ATG7: variants seen among roughly 807,000 people sequenced by gnomAD.
ATG7 encodes ubiquitin-like modifier-activating enzyme ATG7.
In ATG7, 70 loss-of-function variants were observed where a neutral mutation model predicts 82.4. That is an observed-to-expected ratio of 0.85 (90% CI 0.70 to 1.04). ATG7 has a LOEUF of 1.04. ATG7 is among the 50% of genes least tolerant of loss of function. The pLI is 0.00. For missense variants in ATG7, 792 were observed against 864.3 expected (o/e 0.92, Z 1.05); for synonymous variants, 287 against 313.0 (o/e 0.92, Z 0.88).
intron 20 of ATG7, among the ~76,000 whole-genome samples, chr3:11,427,595 G>C (rs1045265759): frequency 6.6e-6 from 1 of 151,550 alleles, no homozygotes; most frequent in African/African-American, 2.4e-5. Context: ...AGGTGGGTGG[G>C]TCACAAGGTC....
In ATG7 at chr3:11,309,037, C is replaced by T. The variant is rs1253312085; in HGVS notation, c.387C>T (p.Asn129=). ...CTCTTGAAAACCCTGTACTCCTCAA[C>T]AAGTTCCTCCTCTTGACATTTGCAG... ...GTALENPVLL[N]KFLLLTFADL... Residue 129 remains asparagine (N), a synonymous_variant, in exon 7 of 21, where the codon AAC becomes AAT. Coordinates refer to ENST00000693202, the MANE Select transcript of ATG7 (RefSeq NM_001349232.2). 3 of 1,613,862 alleles carry T rather than the reference C, an allele frequency of 1.9e-6. No homozygotes were observed. Among genetic ancestry groups the T allele is most frequent in the African/African-American group, 2.7e-5 (2 of 74,920 alleles).
At chr3:11,375,966 G>C (rs1037675009) in intron 18 of ATG7, among the ~76,000 whole-genome samples, 1 of 152,204 alleles carries the variant, frequency 6.6e-6, no homozygotes, top group Non-Finnish European at 1.5e-5. Flanking sequence ...ATTTCCAAGA[G>C]AAATGCTCAT....
the ATG7 span, chr3:11,564,708 C>T: frequency 1.4e-6 from 2 of 1,458,540 alleles, no homozygotes; most frequent in Admixed American, 2.1e-5. Flanking sequence ...CTCACCACCG[C>T]CCTCGGAGTC....
chr3:11,426,727 C>A, intron 19 of ATG7, 77 bp from the exon 20 acceptor site: 1 of 1,322,184 alleles, frequency 7.6e-7, no homozygotes, highest in South Asian at 1.7e-5. Flanking sequence ...TTGACAAGAG[C>A]TTGTTAGAAG....
At chr3:11,550,478 T>G (rs752533880) in intron 20 of ATG7, among the ~76,000 whole-genome samples, 2 of 152,122 alleles carry the variant, frequency 1.3e-5, no homozygotes, top group Non-Finnish European at 2.9e-5. Context: ...CACAGCTCAC[T>G]GCGGCCTCTA....
intron 19 of ATG7, among the ~76,000 whole-genome samples, chr3:11,401,483 A>G (rs2079831991): frequency 6.6e-6 from 1 of 152,194 alleles, no homozygotes; most frequent in Non-Finnish European, 1.5e-5. Flanking sequence ...AACAGCAGAC[A>G]CAATTTTATC....
chr3:11,326,111 TG>T (rs1329036292), intron 9 of ATG7, among the ~76,000 whole-genome samples: 1 of 152,184 alleles, frequency 6.6e-6, no homozygotes, highest in African/African-American at 2.4e-5. Flanking sequence ...CTTCCCCCAA[TG>T]TCTTAGGATC....
At chr3:11,408,090 G>C (rs2080524188) in intron 19 of ATG7, among the ~76,000 whole-genome samples, 1 of 152,204 alleles carries the variant, frequency 6.6e-6, no homozygotes, top group Admixed American at 6.5e-5. Context: ...TTTTGAAACT[G>C]AATGCCTTTG....
At chr3:11,456,534 T>C (rs905636537) in intron 20 of ATG7, among the ~76,000 whole-genome samples, 7 of 152,204 alleles carry the variant, frequency 4.6e-5, no homozygotes, top group African/African-American at 1.7e-4. Flanking sequence ...TCGTAACTTT[T>C]TTGTTCTATT....
intron 14 of ATG7, among the ~76,000 whole-genome samples, chr3:11,357,074 A>T (rs1224937628): frequency 6.6e-6 from 1 of 152,218 alleles, no homozygotes; most frequent in African/African-American, 2.4e-5. Context: ...TTTCTTTGTA[A>T]AAAGATCTGC....
chr3:11,483,516 C>T (rs892224544), intron 20 of ATG7, among the ~76,000 whole-genome samples: 9 of 152,128 alleles, frequency 5.9e-5, no homozygotes, highest in African/African-American at 2.2e-4. Context: ...CACTCCCCTT[C>T]CGATGTGCGA....
chr3:11,526,500 G>A (rs1373410175), intron 20 of ATG7, among the ~76,000 whole-genome samples: 2 of 152,194 alleles, frequency 1.3e-5, no homozygotes, highest in Non-Finnish European at 2.9e-5. Flanking sequence ...ATAAGCAATA[G>A]GATTATTAGC....
intron 20 of ATG7, among the ~76,000 whole-genome samples, chr3:11,461,017 A>AT (rs2086251501): frequency 1.3e-5 from 2 of 152,312 alleles, no homozygotes; most frequent in South Asian, 4.1e-4. Flanking sequence ...TGGAGTCTTG[A>AT]TATAATGACA....
chr3:11,315,560 G>A, intron 9 of ATG7, 67 bp downstream of exon 9: 1 of 1,349,042 alleles, frequency 7.4e-7, no homozygotes, highest in Non-Finnish European at 9.9e-7. Context: ...CATGTTACAA[G>A]AGACCACTGC....
chr3:11,437,227 G>A (rs927930812), intron 20 of ATG7, among the ~76,000 whole-genome samples: 8 of 152,272 alleles, frequency 5.3e-5, no homozygotes, highest in East Asian at 3.9e-4. Context: ...TTAGGAATGC[G>A]TTTTCTGTAG....
intron 14 of ATG7, among the ~76,000 whole-genome samples, chr3:11,352,273 C>T (rs2075612883): frequency 6.6e-6 from 1 of 152,068 alleles, no homozygotes; most frequent in African/African-American, 2.4e-5. Context: ...TGGGTTGGTT[C>T]CAAGTCTTTG....
chr3:11,385,447 C>G (rs1477098014), intron 19 of ATG7, among the ~76,000 whole-genome samples: 1 of 152,250 alleles, frequency 6.6e-6, no homozygotes, highest in East Asian at 1.9e-4. Context: ...AAACTGTTAT[C>G]TGTTAGCAGA....
Position 11,349,181 on chromosome 3 carries a change from C to T in ATG7, c.1284+1146C>T, listed in dbSNP as rs1034213842. Among the ~76,000 whole-genome samples the T allele has an allele frequency of 3.3e-5, 5 of 151,922 alleles. 1 individual carries two copies. Among genetic ancestry groups the T allele is most frequent in the African/African-American group, 1.2e-4 (5 of 41,362 alleles). On this transcript the variant is annotated intron_variant, in intron 14 of 20. Transcript: ENST00000693202. Reference sequence around the variant, plus strand: ...GCTAGACACACAGCGCTGATTGGTGCGTTTCTACAGAGTGCTGACTGGTGC... The same window carrying T: ...GCTAGACACACAGCGCTGATTGGTGTGTTTCTACAGAGTGCTGACTGGTGC...
chr3:11,554,096 T>G (rs946788421), intron 20 of ATG7, among the ~76,000 whole-genome samples: 3 of 152,076 alleles, frequency 2.0e-5, no homozygotes, highest in African/African-American at 7.2e-5. Context: ...CCTGGGCCCA[T>G]GGGGGTGTCG....
Sources: gnomAD v4.1 joint callset for allele counts (sites outside exome capture counted in the v4.1 genomes callset) on GRCh38, gnomAD v4.1.1 for gene constraint, MANE v1.5 for transcripts, NCBI Gene and HGNC (gene_info 2026-07-23, HGNC 2026-07-21) for gene names.